The following WDR20 variants were observed in gnomAD, a reference collection of about 807,000 sequenced individuals.
WDR20 encodes the protein WD repeat domain 20.
Under a neutral mutation model 38.7 loss-of-function variants are expected in WDR20, and 3 were observed. That is an observed-to-expected ratio of 0.08 (90% CI 0.04 to 0.20). The LOEUF is 0.20. Ranked by LOEUF, WDR20 falls within the 10% of genes least tolerant of loss-of-function variation. The probability of loss-of-function intolerance (pLI) is 1.00; values close to 1 mark genes in which losing one functional copy is unlikely to be tolerated. For synonymous variants in WDR20, 298 were observed against 285.6 expected, an observed-to-expected ratio of 1.04 and a Z score of -0.44; for missense variants, 559 against 727.7, an observed-to-expected ratio of 0.77 and a Z score of 2.67.
intron 1 of WDR20, among the ~76,000 whole-genome samples, chr14:102,151,122 CTTTAAAG>C (rs1019858102): frequency 2.7e-5 from 4 of 149,192 alleles, no homozygotes; most frequent in African/African-American, 9.9e-5. Flanking sequence ...ATGCATAACT[CTTTAAAG>C]TTTATAGCCT....
At chr14:102,190,950 G>T (rs2066208221) in intron 1 of WDR20, among the ~76,000 whole-genome samples, 1 of 150,486 alleles carries the variant, frequency 6.6e-6, no homozygotes, top group Admixed American at 6.6e-5. Context: ...ACAGTGAGCT[G>T]AAGTCATGCC....
rs975407193 is a variant in WDR20 at position 102,221,711 on chromosome 14, G to A, written c.1693-1119G>A. 6.6e-6 allele frequency among the ~76,000 whole-genome samples: 1 copy of A among 152,200 alleles called. No individual in the cohort carries two copies. The highest frequency in any genetic ancestry group is 6.5e-5 in the Admixed American group (1 of 15,288). ...CGGGACAGCTTGCTTCCAGGCTTCC[G>A]GCAGCAGGGCGTGGGCGAGGCTGAA... On this transcript the variant is annotated intron_variant, in intron 3 of 3. Transcript: ENST00000335263. The surrounding 1 kb of genome is among the most constrained non-coding windows in gnomAD (Gnocchi z 4.8).
chr14:102,142,208 A>G (rs540606946), intron 1 of WDR20, among the ~76,000 whole-genome samples: 1 of 152,336 alleles, frequency 6.6e-6, no homozygotes, highest in South Asian at 2.1e-4. Flanking sequence ...TTCATGTGGT[A>G]GTATCTTGTA....
intron 2 of WDR20, among the ~76,000 whole-genome samples, chr14:102,200,758 C>T (rs900081631): frequency 1.1e-4 from 17 of 152,088 alleles, no homozygotes; most frequent in African/African-American, 4.1e-4. Flanking sequence ...GACACGATAC[C>T]CTCTGCTGTT....
downstream of WDR20, chr14:102,224,383 A>G (rs1162678141): frequency 2.8e-6 from 1 of 355,486 alleles, no homozygotes; most frequent in Non-Finnish European, 5.5e-6. Flanking sequence ...GCTCGTGAGC[A>G]TCTGAGTTTA....
chr14:102,215,062 C>G, downstream of WDR20: 1 of 919,530 alleles, frequency 1.1e-6, no homozygotes, highest in Non-Finnish European at 1.3e-6. Context: ...CCCAGTGAAC[C>G]AAAACCAGAA....
chr14:102,193,383 TC>T (rs2058868851), intron 1 of WDR20: 1 of 1,447,212 alleles, frequency 6.9e-7, no homozygotes, highest in Non-Finnish European at 9.6e-7. Context: ...CAGTCAGGAC[TC>T]CCTTTTGTTT....
rs572836450 is a variant in WDR20, at chr14:102,220,642, C to T, written c.1693-2188C>T. 4.9e-4 allele frequency among the ~76,000 whole-genome samples: 73 copies of T among 149,718 alleles called. No homozygotes were observed. The highest frequency in any genetic ancestry group is 7.5e-4 in the Non-Finnish European group (51 of 67,816). On this transcript the variant is annotated intron_variant, in intron 3 of 3. Coordinates refer to the WDR20 transcript ENST00000335263. The surrounding 1 kb of genome is among the most constrained non-coding windows in gnomAD (Gnocchi z 4.2). ...GGCTGAGGCAGGAGAATCACTTGAA[C>T]CCAGGAGGTGGAGCTTGCAGTGAGC...
downstream of WDR20, among the ~76,000 whole-genome samples, chr14:102,219,021 C>T (rs148084835): frequency 9.5e-3 from 1,442 of 152,292 alleles, 26 homozygotes; most frequent in African/African-American, 0.032. Flanking sequence ...GAAGAGCAGG[C>T]GGATTGGGGC....
In WDR20 at chr14:102,173,969, G is replaced by A. The variant is rs374382463; in HGVS notation, c.250-20969G>A. On this transcript the variant is annotated intron_variant, in intron 1 of 2. Transcript: ENST00000342702. ...TGAGGCAGGAGAATGGTGTGAACCC[G>A]GGAGGCGGAGCTTGCAGTGAGCTGA... is the stretch of plus-strand genomic sequence containing the variant. 5.9e-4 allele frequency among the ~76,000 whole-genome samples: 90 copies of A among 151,714 alleles called. 1 individual carries two copies. Among genetic ancestry groups the A allele is most frequent in the African/African-American group, 2.1e-3 (86 of 41,382 alleles).
Position 102,210,495 on chromosome 14 carries a change from A to C in WDR20, c.*615A>C, listed in dbSNP as rs2062336893. The C allele has an allele frequency of 6.1e-6, 6 of 985,424 alleles. No homozygotes were observed. Among genetic ancestry groups the C allele is most frequent in the Non-Finnish European group, 7.2e-6 (6 of 829,904 alleles). The allele number at this position is 985,424 out of a possible 1,614,324, so 61.0% of individuals were successfully genotyped here. A position where few individuals can be genotyped will look rare whatever the true frequency, so the allele number is the denominator to read the frequency against. On this transcript the variant is annotated 3_prime_UTR_variant, in exon 3 of 3. Coordinates refer to ENST00000342702, the MANE Select transcript of WDR20 (RefSeq NM_144574.4). ...CCATTTTAGTCATTTTATGACAATT[A>C]AAGTTGTTTAATAAACATCTTTTTT...
intron 2 of WDR20, among the ~76,000 whole-genome samples, chr14:102,196,999 C>T (rs966561392): frequency 3.9e-5 from 6 of 152,130 alleles, no homozygotes; most frequent in Admixed American, 6.5e-5. Context: ...CAAGGGTCAC[C>T]GGAGGTTTGT....
downstream of WDR20, chr14:102,214,464 T>C (rs916875113): frequency 6.1e-6 from 6 of 985,468 alleles, no homozygotes; most frequent in Non-Finnish European, 7.2e-6. Flanking sequence ...TATAAGAACG[T>C]GCCCCTCCAG....
downstream of WDR20, chr14:102,212,696 G>C (rs1256410104): frequency 8.0e-6 from 12 of 1,496,716 alleles, no homozygotes; most frequent in Non-Finnish European, 1.1e-5. Context: ...GCCTGGGGAG[G>C]GGTGGCCGCG....
At chr14:102,217,275 C>T (rs547489179), downstream of WDR20, among the ~76,000 whole-genome samples, 8 of 152,200 alleles carry the variant, frequency 5.3e-5, no homozygotes, top group Non-Finnish European at 8.8e-5. Flanking sequence ...CATCAGTGAA[C>T]GGGATCACGA....
chr14:102,172,923 C>A (rs540991456), intron 1 of WDR20, among the ~76,000 whole-genome samples: 2 of 148,224 alleles, frequency 1.3e-5, no homozygotes, highest in Non-Finnish European at 3.0e-5. Context: ...CGCTCCTCAC[C>A]TCCCAGACGG....
intron 1 of WDR20, among the ~76,000 whole-genome samples, chr14:102,182,678 T>C (rs535657781): frequency 6.6e-6 from 1 of 152,014 alleles, no homozygotes; most frequent in East Asian, 1.9e-4. Flanking sequence ...TTAGTAGTTT[T>C]TTTGGTTATT....
At position 102,160,403 on chromosome 14, in the gene WDR20, A is replaced by G. The variant is rs113441224; in HGVS notation, c.249+20231A>G. Among the ~76,000 whole-genome samples the G allele has an allele frequency of 2.0e-3, 300 of 152,154 alleles. 1 individual carries two copies. The highest frequency in any genetic ancestry group is 3.1e-3 in the Non-Finnish European group (214 of 68,000). ...ATAGATAATATTTTATTTGTTTTTG[A>G]CTTATTCTTTTGTTGTTACACGAAT... On this transcript the variant is annotated intron_variant, in intron 1 of 2. Transcript: ENST00000342702.
intron 1 of WDR20, among the ~76,000 whole-genome samples, chr14:102,153,107 C>G (rs903108213): frequency 1.3e-5 from 2 of 152,110 alleles, no homozygotes; most frequent in Non-Finnish European, 2.9e-5. Context: ...TACGAGTTCT[C>G]TCCAGAACTG....
Sources: gnomAD v4.1 joint callset for allele counts (sites outside exome capture counted in the v4.1 genomes callset) on GRCh38, gnomAD v4.1.1 for gene constraint, Gnocchi (gnomAD v3.1) non-coding constraint, MANE v1.5 for transcripts, NCBI Gene and HGNC (gene_info 2026-07-23, HGNC 2026-07-21) for gene names.